SYNM: variants seen among roughly 807,000 people sequenced by gnomAD.
SYNM encodes the protein desmuslin.
A neutral mutation model predicts 104.0 loss-of-function variants in SYNM; 95 were observed. The ratio of observed to expected loss-of-function variants is 0.91; its 90% CI spans 0.77 to 1.08. The LOEUF is 1.08. Among genes scored for constraint, SYNM ranks in the 50% least tolerant of loss-of-function variants. The pLI, the probability that SYNM is intolerant of heterozygous loss-of-function variation, is 0.00. For missense variants in SYNM, 2,150 were observed against 2,052.2 expected (o/e 1.05, Z -0.92); for synonymous variants, 918 against 869.0 (o/e 1.06, Z -0.99).
chr15:99,109,164 T>C (rs1371846114), intron 1 of SYNM, among the ~76,000 whole-genome samples: 2 of 152,052 alleles, frequency 1.3e-5, no homozygotes, highest in African/African-American at 4.8e-5. Flanking sequence ...AGATGGCCCA[T>C]GCGCCTTCAC....
Position 99,131,099 on chromosome 15 carries a change from C to T in SYNM, c.2739C>T (p.Ser913=), listed in dbSNP as rs540635120. The T allele has an allele frequency of 5.1e-5, 81 of 1,602,928 alleles. No individual in the cohort carries two copies. The highest frequency in any genetic ancestry group is 1.7e-4 in the South Asian group (15 of 89,320). ...GSTHWKEQAR[S]GEFHAEPTVI... The stretch of plus-strand genomic sequence containing the variant: ...CTCACTGGAAAGAACAAGCTAGAAG[C>T]GGTGAATTTCATGCCGAACCCACAG... The change falls in exon 4 of 4, where the codon AGC becomes AGT. Residue 913 remains serine (S), a synonymous_variant. Transcript: ENST00000336292. The surrounding 1 kb of genome is among the most constrained non-coding windows in gnomAD (Gnocchi z 4.3).
rs149262781 is a variant in SYNM at position 99,120,393 on chromosome 15, G to A, written c.936-6329G>A. ...AAGCTGGAAATGACTTTTTGGAAAGGGTTTTCCAGGCAGAGGGAATGGCCA... is the reference window on the plus strand; with the variant it reads ...AAGCTGGAAATGACTTTTTGGAAAGAGTTTTCCAGGCAGAGGGAATGGCCA... On this transcript the variant is annotated intron_variant, in intron 2 of 3. Coordinates refer to ENST00000336292, the MANE Select transcript of SYNM (RefSeq NM_145728.3). Among the ~76,000 whole-genome samples the A allele has an allele frequency of 1.4e-3, 210 of 152,266 alleles. 4 individuals are homozygous for A. The South Asian group carries it at 0.036, about 26-fold the overall frequency.
chr15:99,119,704 C>T (rs548767906), intron 2 of SYNM, among the ~76,000 whole-genome samples: 12 of 152,276 alleles, frequency 7.9e-5, no homozygotes, highest in South Asian at 2.1e-4. Flanking sequence ...TCTGAACACC[C>T]GAGATGAGCA....
chr15:99,133,172 T>G lies in SYNM; in HGVS notation c.*114T>G. ...CTATGAAAATCTCCCCTTTTTTACT[T>G]TTTTAAAGAGTACTCCCGGCATGGT... On this transcript the variant is annotated 3_prime_UTR_variant, in exon 4 of 4. Coordinates refer to ENST00000336292, the MANE Select transcript of SYNM (RefSeq NM_145728.3). The G allele has an allele frequency of 6.7e-7, 1 of 1,502,784 alleles. No homozygotes were observed. The highest frequency in any genetic ancestry group is 2.4e-5 in the East Asian group (1 of 40,978). 93.1% of individuals were successfully genotyped at this position (1,502,784 alleles called of 1,614,324 possible).
At chr15:99,113,113 CTG>C (rs1390202422) in intron 1 of SYNM, among the ~76,000 whole-genome samples, 1 of 152,224 alleles carries the variant, frequency 6.6e-6, no homozygotes, top group Non-Finnish European at 1.5e-5. Context: ...AAACAAAACT[CTG>C]TATCAGTTTA....
At chr15:99,109,226 C>G (rs1357902304) in intron 1 of SYNM, among the ~76,000 whole-genome samples, 4 of 152,150 alleles carry the variant, frequency 2.6e-5, no homozygotes, top group Admixed American at 1.3e-4. Context: ...CAGATTTGCC[C>G]GAGAAGAGTT....
At chr15:99,139,095 A>G (rs2067904196), downstream of SYNM, 1 of 645,060 alleles carries the variant, frequency 1.6e-6, no homozygotes, top group Admixed American at 2.2e-5. Context: ...GACAACATCC[A>G]GCATATATTT....
At position 99,131,294 on chromosome 15, in the gene SYNM, G is replaced by C; in HGVS notation, c.2934G>C (p.Gly978=). Residue 978 remains glycine, a synonymous_variant, in exon 4 of 4, where the codon GGG becomes GGC. Transcript: ENST00000336292. This position sits in a 1 kb window ranked among gnomAD's most constrained non-coding sequence, Gnocchi z 4.3. ...LSALTREGQG[G]PGSVSVDVKK... ...CCCTCACCAGAGAGGGGCAGGGTGG[G>C]CCGGGGAGCGTTTCCGTGGATGTCA... is the stretch of plus-strand genomic sequence containing the variant. The C allele has an allele frequency of 6.2e-7, 1 of 1,612,552 alleles. No homozygotes were observed. The highest frequency in any genetic ancestry group is 8.5e-7 in the Non-Finnish European group (1 of 1,179,508).
chr15:99,139,016 G>A (rs1555488623), downstream of SYNM: 4 of 441,370 alleles, frequency 9.1e-6, no homozygotes, highest in African/African-American at 8.0e-5. Flanking sequence ...GCTGCAGGAG[G>A]CCACAGGGAT....
rs1318393600 is a variant in SYNM, at chr15:99,123,656, G to A, written c.936-3066G>A. ...GCTCTGCGGCTCCTTCTCCAGCTCCGGAGCCTCCCTTTCTTCTCTGCACTT... is the reference window on the plus strand; with the variant it reads ...GCTCTGCGGCTCCTTCTCCAGCTCCAGAGCCTCCCTTTCTTCTCTGCACTT... On this transcript the variant is annotated intron_variant, in intron 2 of 3. Coordinates refer to ENST00000336292, the MANE Select transcript of SYNM (RefSeq NM_145728.3). Among the ~76,000 whole-genome samples, 6 of 152,292 alleles carry A rather than the reference G, an allele frequency of 3.9e-5. No homozygotes were observed. The East Asian group carries it at 7.7e-4, about 20-fold the overall frequency.
downstream of SYNM, chr15:99,137,011 A>G (rs1555487247): frequency 6.6e-6 from 1 of 152,234 alleles, no homozygotes; most frequent in African/African-American, 2.4e-5. Flanking sequence ...CTGTGCTGCA[A>G]TCTGCTGTCA....
At chr15:99,118,372 G>A (rs2067369708) in intron 2 of SYNM, among the ~76,000 whole-genome samples, 1 of 152,226 alleles carries the variant, frequency 6.6e-6, no homozygotes, top group African/African-American at 2.4e-5. Context: ...TTTAACTAAA[G>A]TGCTCATTTG....
At chr15:99,116,723 G>A (rs1351766747) in intron 2 of SYNM, among the ~76,000 whole-genome samples, 3 of 142,440 alleles carry the variant, frequency 2.1e-5, no homozygotes, top group African/African-American at 2.5e-5. Context: ...GCTGGAGTGT[G>A]GTGGTGCGAT....
Position 99,130,665 on chromosome 15 carries a change from A to C in SYNM, c.2305A>C (p.Lys769Gln). ...GCCGGAGGAGTTTTCCGTCCCATTC[A>C]AAGTGGAGGAGGTCGAAGATGTGTC... ...EKPEEFSVPF[K>Q]VEEVEDVSPG... is the part of the protein sequence containing the mutation. The change falls in exon 4 of 4, where the codon AAA becomes CAA. Residue 769 changes from lysine to glutamine, a missense_variant. Transcript: ENST00000336292. 3 of 1,613,782 alleles carry C rather than the reference A, an allele frequency of 1.9e-6. No homozygotes were observed. The highest frequency in any genetic ancestry group is 2.5e-6 in the Non-Finnish European group (3 of 1,179,806).
In SYNM at chr15:99,105,715, C is replaced by G; in HGVS notation, c.516C>G (p.Gly172=). ...TGCATTTCCGCGCCCGCGCCACCGG[C>G]CCCGCCGCGCCGCCGCCACGCCTGC... ...LTMHFRARAT[G]PAAPPPRLRE... The change falls in exon 1 of 4, where the codon GGC becomes GGG. Residue 172 remains glycine, a synonymous_variant. Coordinates refer to ENST00000336292, the MANE Select transcript of SYNM (RefSeq NM_145728.3). 4 of 1,496,526 alleles carry G rather than the reference C, an allele frequency of 2.7e-6. No homozygotes were observed. Among genetic ancestry groups the G allele is most frequent in the Non-Finnish European group, 3.5e-6 (4 of 1,127,602 alleles). The allele number at this position is 1,496,526 out of a possible 1,614,324, so 92.7% of individuals were successfully genotyped here.
rs1221181602 is a variant in SYNM, at chr15:99,106,006, G to A, written c.807G>A (p.Arg269=). 4 of 1,455,124 alleles carry A rather than the reference G, an allele frequency of 2.7e-6. No homozygotes were observed. The African/African-American group carries it at 4.4e-5, about 16-fold the overall frequency. The allele number at this position is 1,455,124 out of a possible 1,614,324, so 90.1% of individuals were successfully genotyped here. A position where few individuals can be genotyped will look rare whatever the true frequency, so the allele number is the denominator to read the frequency against. ...REEYGIQAEE[R]QRVIDCLEDE... is the part of the protein sequence containing the mutation. ...AGTACGGGATACAGGCCGAGGAGCG[G>A]CAGGTCCGTGCGCGGGGATGGCGCG... is the stretch of plus-strand genomic sequence containing the variant. Residue 269 remains arginine, a synonymous_variant, in exon 1 of 4, where the codon CGG becomes CGA. Transcript: ENST00000336292.
intron 2 of SYNM, among the ~76,000 whole-genome samples, chr15:99,126,373 G>A (rs782812079): frequency 6.6e-6 from 1 of 152,228 alleles, no homozygotes; most frequent in Admixed American, 6.5e-5. Flanking sequence ...CCTTGCTCCT[G>A]CTCCTCTTCA....
chr15:99,110,012 A>T (rs542718217), intron 1 of SYNM, among the ~76,000 whole-genome samples: 1 of 152,284 alleles, frequency 6.6e-6, no homozygotes, highest in Non-Finnish European at 1.5e-5. Flanking sequence ...GGACTCAGGG[A>T]TGCCTTCAGA....
In SYNM at chr15:99,129,967, A is replaced by G; in HGVS notation, c.1607A>G (p.Asn536Ser). Reference sequence around the variant, plus strand: ...AAAGAGAAGGCTTCCGAGGAGAGAAACCTAAGATGGGAAGAATTGACAAAG... The same window carrying G: ...AAAGAGAAGGCTTCCGAGGAGAGAAGCCTAAGATGGGAAGAATTGACAAAG... ...DSKEKASEER[N>S]LRWEELTKLD... The change falls in exon 4 of 4, where the codon AAC becomes AGC. Residue 536 changes from asparagine to serine, a missense_variant. By Grantham distance (46) the Asn-to-Ser change is conservative. Transcript: ENST00000336292. 6.2e-7 allele frequency: 1 copy of G among 1,612,174 alleles called. No homozygotes were observed. The highest frequency in any genetic ancestry group is 8.5e-7 in the Non-Finnish European group (1 of 1,179,014).
Sources: allele counts gnomAD v4.1 joint callset (sites outside exome capture counted in the v4.1 genomes callset), GRCh38; gene constraint gnomAD v4.1.1; non-coding constraint Gnocchi (gnomAD v3.1); transcripts MANE v1.5; gene names NCBI Gene and HGNC (gene_info 2026-07-23, HGNC 2026-07-21).